The following SUPT3H variants were observed in gnomAD, a reference collection of about 807,000 sequenced individuals.
SUPT3H encodes SPT3 homolog, SAGA and STAGA complex component, also known as transcription initiation protein SPT3 homolog.
A neutral mutation model predicts 44.3 loss-of-function variants in SUPT3H; 44 were observed. The ratio of observed to expected loss-of-function variants is 0.99; its 90% CI spans 0.78 to 1.28. The LOEUF is 1.28. Among genes scored for constraint, SUPT3H ranks in the 50% most tolerant of loss-of-function variants. SUPT3H has a pLI of 0.00. For synonymous variants in SUPT3H, 124 were observed against 125.6 expected, an observed-to-expected ratio of 0.99 and a Z score of 0.09; for missense variants, 380 against 387.1, an observed-to-expected ratio of 0.98 and a Z score of 0.15.
At chr6:45,137,157 T>A (rs1804427644) in intron 2 of SUPT3H, among the ~76,000 whole-genome samples, 2 of 152,016 alleles carry the variant, frequency 1.3e-5, no homozygotes, top group Admixed American at 6.6e-5. Flanking sequence ...AACTATTTTT[T>A]AAAAATAAAG....
At chr6:45,322,103 G>T (rs1210553146) in intron 2 of SUPT3H, among the ~76,000 whole-genome samples, 1 of 151,882 alleles carries the variant, frequency 6.6e-6, no homozygotes, top group Non-Finnish European at 1.5e-5. Flanking sequence ...TTTTATAAAA[G>T]TCTAGAGTGA....
chr6:44,897,327 G>A (rs1014631285), intron 10 of SUPT3H, among the ~76,000 whole-genome samples: 1 of 152,180 alleles, frequency 6.6e-6, no homozygotes, highest in African/African-American at 2.4e-5. Flanking sequence ...CAGTCCATTA[G>A]TCATCCTATA....
chr6:45,298,139 G>A (rs1324274995), intron 2 of SUPT3H, among the ~76,000 whole-genome samples: 1 of 152,110 alleles, frequency 6.6e-6, no homozygotes, highest in African/African-American at 2.4e-5. Context: ...GAAGAGTTAG[G>A]ACTTTCGATA....
At chr6:44,846,353 G>A (rs969826745) in intron 10 of SUPT3H, among the ~76,000 whole-genome samples, 6 of 152,116 alleles carry the variant, frequency 3.9e-5, no homozygotes, top group African/African-American at 7.2e-5. Flanking sequence ...TTACACTTAC[G>A]CATATTTCAA....
At chr6:44,844,240 T>A (rs1485707543) in intron 10 of SUPT3H, among the ~76,000 whole-genome samples, 2 of 152,086 alleles carry the variant, frequency 1.3e-5, no homozygotes, top group Non-Finnish European at 2.9e-5. Flanking sequence ...GTACAAATAT[T>A]AACTGAAAAT....
intron 2 of SUPT3H, among the ~76,000 whole-genome samples, chr6:45,132,128 T>C (rs1803563804): frequency 6.6e-6 from 1 of 152,216 alleles, no homozygotes. Context: ...TGACAGCAGG[T>C]AACTGAAACT....
rs80245895 is a variant in SUPT3H, at chr6:45,161,269, T to A, written c.102-55263A>T. ...ACAAGAACAGACTAACACAGTAATG[T>A]TTATCTGATGAACTCTTGTGTCCAG... On this transcript the variant is annotated intron_variant, in intron 2 of 10. Coordinates refer to ENST00000371459, the MANE Select transcript of SUPT3H (RefSeq NM_003599.4). Among the ~76,000 whole-genome samples, 390 of 152,248 alleles carry A rather than the reference T, an allele frequency of 2.6e-3. 3 individuals carry two copies. Among genetic ancestry groups the A allele is most frequent in the African/African-American group, 8.5e-3 (355 of 41,556 alleles).
chr6:44,975,770 T>A (rs1778246200), intron 6 of SUPT3H, among the ~76,000 whole-genome samples: 1 of 152,072 alleles, frequency 6.6e-6, no homozygotes, highest in Admixed American at 6.5e-5. Context: ...GTCCTATTAA[T>A]AATATAAACA....
intron 2 of SUPT3H, among the ~76,000 whole-genome samples, chr6:45,196,248 A>AT (rs1365834422): frequency 6.6e-6 from 1 of 151,990 alleles, no homozygotes; most frequent in Non-Finnish European, 1.5e-5. Flanking sequence ...TTTAAAATTT[A>AT]TTTTTTTAGA....
intron 2 of SUPT3H, among the ~76,000 whole-genome samples, chr6:45,142,797 C>T (rs957569308): frequency 9.1e-6 from 1 of 109,314 alleles, no homozygotes; most frequent in Admixed American, 1.0e-4. Context: ...AATCCACTAA[C>T]CAAGTATCTA....
chr6:45,246,616 G>A (rs146214377), intron 2 of SUPT3H, among the ~76,000 whole-genome samples: 2 of 152,182 alleles, frequency 1.3e-5, no homozygotes, highest in Non-Finnish European at 2.9e-5. Context: ...AAAATAAGAC[G>A]CTATTACTTC....
intron 2 of SUPT3H, among the ~76,000 whole-genome samples, chr6:45,284,310 T>G (rs2153668741): frequency 8.7e-6 from 1 of 114,638 alleles, no homozygotes. Context: ...CAGGAGCTGG[T>G]TTTTTTTGAA....
chr6:45,294,733 CAAAAAAAAAAAAA>C (rs56281990), intron 2 of SUPT3H, among the ~76,000 whole-genome samples: 40 of 36,204 alleles, frequency 1.1e-3, no homozygotes, highest in Admixed American at 4.2e-3. Flanking sequence ...ACAATAGCTG[CAAAAAAAAAAAAA>C]AAAAAAAAAA....
chr6:45,342,553 C>T (rs908611776), intron 2 of SUPT3H, among the ~76,000 whole-genome samples: 14 of 152,174 alleles, frequency 9.2e-5, no homozygotes. Flanking sequence ...GCCACGACAC[C>T]CAGCCCTACA....
intron 2 of SUPT3H, among the ~76,000 whole-genome samples, chr6:45,245,465 G>A (rs1243338958): frequency 2.6e-5 from 4 of 152,064 alleles, no homozygotes; most frequent in South Asian, 4.2e-4. Context: ...CTCCTCTAGC[G>A]CCTGGTAATC....
At chr6:45,056,989 G>C (rs1244768724) in intron 3 of SUPT3H, among the ~76,000 whole-genome samples, 1 of 152,080 alleles carries the variant, frequency 6.6e-6, no homozygotes, top group Non-Finnish European at 1.5e-5. Flanking sequence ...TTGGACTTAG[G>C]AGACAAAGGC....
rs1194413916 is a variant in SUPT3H, at chr6:45,003,941, AAAGTAT to A, written c.365-155_365-150del. ...TTAAAAAATTCTTGCATTCAAAATA[AAAGTAT>A]AAGTCATACAGAATTAAATAATTTT... On this transcript the variant is annotated intron_variant, in intron 5 of 10. Coordinates refer to ENST00000371459, the MANE Select transcript of SUPT3H (RefSeq NM_003599.4). 4.7e-6 allele frequency: 4 copies of A among 851,112 alleles called. No individual in the cohort carries two copies. The African/African-American group carries it at 7.0e-5, about 15-fold the overall frequency. 52.7% of individuals were successfully genotyped at this position (851,112 alleles called of 1,614,324 possible).
chr6:45,195,793 T>C (rs1291562912), intron 2 of SUPT3H, among the ~76,000 whole-genome samples: 1 of 152,126 alleles, frequency 6.6e-6, no homozygotes, highest in Non-Finnish European at 1.5e-5. Context: ...CCTCTTTTAA[T>C]AGTATCTGCC....
At chr6:45,102,971 G>C (rs1392351745) in intron 3 of SUPT3H, among the ~76,000 whole-genome samples, 1 of 151,036 alleles carries the variant, frequency 6.6e-6, no homozygotes, top group East Asian at 1.9e-4. Flanking sequence ...GATGTTCAAA[G>C]AATTACAGGA....
Sources: gnomAD v4.1 joint callset for allele counts (sites outside exome capture counted in the v4.1 genomes callset) on GRCh38, gnomAD v4.1.1 for gene constraint, MANE v1.5 for transcripts, NCBI Gene and HGNC (gene_info 2026-07-23, HGNC 2026-07-21) for gene names.